KCNB2: variants seen among roughly 807,000 people sequenced by gnomAD.
The protein encoded by KCNB2 is potassium voltage-gated channel subfamily B member 2.
KCNB2 carries 15 observed loss-of-function variants against 61.5 expected under a neutral mutation model. The observed-to-expected ratio is 0.24, with a 90% CI of 0.16 to 0.38. The LOEUF is 0.38. KCNB2 is among the 10% of genes least tolerant of loss of function. KCNB2 has a pLI of 1.00. For missense variants in KCNB2, 828 were observed against 1,125.2 expected, an observed-to-expected ratio of 0.74 and a Z score of 3.78; for synonymous variants, 457 against 446.0, an observed-to-expected ratio of 1.02 and a Z score of -0.31.
chr8:72,542,337 A>G (rs2128976482), intron 1 of KCNB2, among the ~76,000 whole-genome samples: 1 of 152,286 alleles, frequency 6.6e-6, no homozygotes, highest in South Asian at 2.1e-4. Context: ...TGTATAGCCA[A>G]CCTTGAACCT....
rs1338888429 is a variant in KCNB2 at position 72,684,401 on chromosome 8, A to G, written c.579+116088A>G. Reference sequence around the variant, plus strand: ...GCAGATGTGGCAGCTGACAGTATATATAGGTGGTAGTTAAAGCCCTTGAAC... The same window carrying G: ...GCAGATGTGGCAGCTGACAGTATATGTAGGTGGTAGTTAAAGCCCTTGAAC... On this transcript the variant is annotated intron_variant, in intron 2 of 2. Coordinates refer to ENST00000523207, the MANE Select transcript of KCNB2 (RefSeq NM_004770.3). Among the ~76,000 whole-genome samples the G allele has an allele frequency of 1.3e-5, 2 of 152,284 alleles. 1 individual carries two copies. Among genetic ancestry groups the G allele is most frequent in the Admixed American group, 1.3e-4 (2 of 15,296 alleles).
intron 2 of KCNB2, among the ~76,000 whole-genome samples, chr8:72,573,617 C>T (rs909229438): frequency 6.6e-6 from 1 of 151,496 alleles, no homozygotes; most frequent in East Asian, 1.9e-4. Flanking sequence ...CCTCTGTGTA[C>T]CACGCAGTGC....
chr8:72,570,344 A>G (rs1367416559), intron 2 of KCNB2, among the ~76,000 whole-genome samples: 1 of 152,176 alleles, frequency 6.6e-6, no homozygotes, highest in Non-Finnish European at 1.5e-5. Context: ...CTATAAGTTG[A>G]TTCTTTACTA....
At chr8:72,549,275 C>T (rs180896888) in intron 1 of KCNB2, among the ~76,000 whole-genome samples, 5 of 152,204 alleles carry the variant, frequency 3.3e-5, no homozygotes, top group Admixed American at 6.5e-5. Context: ...AGCACTCCCA[C>T]GCCCCCTAAC....
chr8:72,569,581 A>T (rs1806678867), intron 2 of KCNB2, among the ~76,000 whole-genome samples: 1 of 152,114 alleles, frequency 6.6e-6, no homozygotes, highest in East Asian at 1.9e-4. Context: ...GAAATAGAAG[A>T]CTTTAGGTTT....
chr8:72,594,792 C>CT (rs1807160619), intron 2 of KCNB2, among the ~76,000 whole-genome samples: 2 of 152,196 alleles, frequency 1.3e-5, no homozygotes, highest in African/African-American at 4.8e-5. Flanking sequence ...GACTTACTCT[C>CT]TTTTTAAAAC....
At chr8:72,733,006 A>G (rs1263264068) in intron 2 of KCNB2, among the ~76,000 whole-genome samples, 1 of 152,166 alleles carries the variant, frequency 6.6e-6, no homozygotes, top group Non-Finnish European at 1.5e-5. Flanking sequence ...AAAAAACAGA[A>G]CAGATAAATG....
At chr8:72,882,772 C>T (rs1484028729) in intron 2 of KCNB2, among the ~76,000 whole-genome samples, 1 of 151,896 alleles carries the variant, frequency 6.6e-6, no homozygotes, top group Non-Finnish European at 1.5e-5. Context: ...CTTCATGTTG[C>T]TCTTGTTGTT....
At chr8:72,585,735 A>G (rs1341489786) in intron 2 of KCNB2, among the ~76,000 whole-genome samples, 3 of 152,244 alleles carry the variant, frequency 2.0e-5, no homozygotes, top group East Asian at 3.8e-4. Context: ...GATTTTTCAT[A>G]TGAGTGATTA....
rs1809821037 is a variant in KCNB2, at chr8:72,838,494, C to A, written c.580-97441C>A. ...CCATGGTATATATGTGCCACATTTT[C>A]TTTATCCAGTCTATCACTGATGGGC... On this transcript the variant is annotated intron_variant, in intron 2 of 2. Transcript: ENST00000523207. 2.0e-5 allele frequency among the ~76,000 whole-genome samples: 3 copies of A among 152,340 alleles called. No homozygotes were observed. In the South Asian group the frequency reaches 6.2e-4, roughly 32 times the overall value.
intron 2 of KCNB2, among the ~76,000 whole-genome samples, chr8:72,770,974 T>G (rs1808548001): frequency 6.6e-6 from 1 of 152,218 alleles, no homozygotes; most frequent in African/African-American, 2.4e-5. Flanking sequence ...TTAAAAACAT[T>G]CCATTGTGAT....
At chr8:72,576,840 A>G (rs1806802016) in intron 2 of KCNB2, among the ~76,000 whole-genome samples, 1 of 152,332 alleles carries the variant, frequency 6.6e-6, no homozygotes, top group Middle Eastern at 3.4e-3. Flanking sequence ...CTTAACACAA[A>G]CATAATGAAG....
chr8:72,581,482 G>T (rs1053327245), intron 2 of KCNB2, among the ~76,000 whole-genome samples: 3 of 152,158 alleles, frequency 2.0e-5, no homozygotes, highest in Non-Finnish European at 4.4e-5. Flanking sequence ...AACACTGACT[G>T]TGCCTCCAAA....
chr8:72,622,544 G>A (rs1212478292), intron 2 of KCNB2, among the ~76,000 whole-genome samples: 1 of 152,098 alleles, frequency 6.6e-6, no homozygotes, highest in Non-Finnish European at 1.5e-5. Context: ...TCTGTGTCAA[G>A]CTTCCAAAAA....
chr8:72,795,147 C>G (rs1809012149), intron 2 of KCNB2, among the ~76,000 whole-genome samples: 2 of 152,150 alleles, frequency 1.3e-5, no homozygotes, highest in Non-Finnish European at 2.9e-5. Context: ...AGTTTTAATA[C>G]CACTCCAGAC....
chr8:72,912,257 G>A (rs1330774182), intron 2 of KCNB2, among the ~76,000 whole-genome samples: 1 of 152,034 alleles, frequency 6.6e-6, no homozygotes, highest in Admixed American at 6.6e-5. Context: ...GGTTTCCTGT[G>A]TTGTGGGGAG....
intron 2 of KCNB2, chr8:72,750,246 G>C (rs1459386582): frequency 1.3e-5 from 2 of 152,052 alleles, no homozygotes; most frequent in East Asian, 1.9e-4. Context: ...CTATTGTACA[G>C]CATTCTCTTA....
chr8:72,707,293 A>G (rs1807242620), intron 2 of KCNB2, among the ~76,000 whole-genome samples: 1 of 152,238 alleles, frequency 6.6e-6, no homozygotes, highest in African/African-American at 2.4e-5. Flanking sequence ...TAGGTTCCTC[A>G]TGCTGCAATT....
intron 2 of KCNB2, among the ~76,000 whole-genome samples, chr8:72,885,988 A>C (rs1805801617): frequency 6.6e-6 from 1 of 152,118 alleles, no homozygotes; most frequent in South Asian, 2.1e-4. Flanking sequence ...AGGACTTCTA[A>C]ACTAACTGCT....
Sources: gnomAD v4.1 joint callset for allele counts (sites outside exome capture counted in the v4.1 genomes callset) on GRCh38, gnomAD v4.1.1 for gene constraint, MANE v1.5 for transcripts, NCBI Gene and HGNC (gene_info 2026-07-23, HGNC 2026-07-21) for gene names.